Variants in SLC35F6 observed in about 807,000 individuals in gnomAD.
The protein encoded by SLC35F6 is ANT2-binding protein.
In SLC35F6, 26 loss-of-function variants were observed where a neutral mutation model predicts 29.4. The ratio of observed to expected loss-of-function variants is 0.89; its 90% CI spans 0.65 to 1.23. The LOEUF is 1.23. Among genes scored for constraint, SLC35F6 ranks in the 50% most tolerant of loss-of-function variants. The pLI is 0.00. For synonymous variants in SLC35F6, 174 were observed against 206.6 expected, an observed-to-expected ratio of 0.84 and a Z score of 1.35; for missense variants, 428 against 487.8, an observed-to-expected ratio of 0.88 and a Z score of 1.15.
rs1664368900 is a variant in SLC35F6 at position 26,779,482 on chromosome 2, AC to A, written c.*975del. The A allele has an allele frequency of 6.6e-6, 1 of 151,680 alleles. No homozygotes were observed. The highest frequency in any genetic ancestry group is 1.5e-5 in the Non-Finnish European group (1 of 67,974). The allele number at this position is 151,680 out of a possible 1,614,324, so 9.4% of individuals were successfully genotyped here. A position where few individuals can be genotyped will look rare whatever the true frequency, so the allele number is the denominator to read the frequency against. On this transcript the variant is annotated 3_prime_UTR_variant, in exon 6 of 6. Coordinates refer to ENST00000344420, the MANE Select transcript of SLC35F6 (RefSeq NM_017877.4). Reference sequence around the variant, plus strand: ...CAGTAACAGCCCATCCACTGGAAATACCCCTCTGCCCACAGCACCACCCTTC... The same window carrying A: ...CAGTAACAGCCCATCCACTGGAAATACCCTCTGCCCACAGCACCACCCTTC...
intron 1 of SLC35F6, among the ~76,000 whole-genome samples, chr2:26,773,185 A>G (rs1285835175): frequency 1.3e-5 from 2 of 152,112 alleles, no homozygotes; most frequent in Middle Eastern, 3.2e-3. Context: ...TCTTACAGTA[A>G]TGTTTTAAAA....
intron 1 of SLC35F6, among the ~76,000 whole-genome samples, chr2:26,765,512 A>G (rs752452323): frequency 6.6e-6 from 1 of 152,134 alleles, no homozygotes; most frequent in African/African-American, 2.4e-5. Context: ...CTGGAGTGCA[A>G]TGGCACGATC....
intron 1 of SLC35F6, among the ~76,000 whole-genome samples, chr2:26,770,695 G>A (rs1664181746): frequency 6.6e-6 from 1 of 151,966 alleles, no homozygotes; most frequent in East Asian, 1.9e-4. Flanking sequence ...TCCAGCCTGG[G>A]TGACAGAGGG....
chr2:26,780,299 C>A lies in SLC35F6; in HGVS notation c.*1788C>A, dbSNP rs1664385211. 6.6e-6 allele frequency: 1 copy of A among 152,002 alleles called. No individual in the cohort carries two copies. The highest frequency in any genetic ancestry group is 2.4e-5 in the African/African-American group (1 of 41,392). The allele number at this position is 152,002 out of a possible 1,614,324, so 9.4% of individuals were successfully genotyped here. ...TTGTTTGGCAAATGGAGTCTCCTAC[C>A]CTCAGCTCCTGCAAGGACCTGGGGG... On this transcript the variant is annotated 3_prime_UTR_variant, in exon 6 of 6. Coordinates refer to ENST00000344420, the MANE Select transcript of SLC35F6 (RefSeq NM_017877.4).
Position 26,775,621 on chromosome 2 carries a change from G to A in SLC35F6, c.480G>A (p.Leu160=). Residue 160 remains leucine, a synonymous_variant, in exon 4 of 6, where the codon CTG becomes CTA. Coordinates refer to ENST00000344420, the MANE Select transcript of SLC35F6 (RefSeq NM_017877.4). This position sits in a 1 kb window ranked among gnomAD's most constrained non-coding sequence, Gnocchi z 4.6. ...ATIAGLVVVG[L]ADLLSKHDSQ... ...TCGCGGGGCTGGTGGTCGTGGGCCT[G>A]GCTGACCTCCTGAGCAAGCACGACA... is the stretch of plus-strand genomic sequence containing the variant. The A allele has an allele frequency of 6.2e-7, 1 of 1,604,284 alleles. No individual in the cohort carries two copies.
At position 26,774,204 on chromosome 2, in the gene SLC35F6, C is replaced by T. The variant is rs369467381; in HGVS notation, c.78-47C>T. 19 of 1,608,628 alleles carry T rather than the reference C, an allele frequency of 1.2e-5. No homozygotes were observed. In the African/African-American group the frequency reaches 2.5e-4, roughly 21 times the overall value. On this transcript the variant is annotated intron_variant, in intron 1 of 5. Transcript: ENST00000344420. ...GAGGTGTGAGCCTCTTCACTAGCAC[C>T]AGGGTAGGATGCTGACAGGGTCTGA... is the stretch of plus-strand genomic sequence containing the variant.
chr2:26,770,286 G>T lies in SLC35F6; in HGVS notation c.78-3965G>T, dbSNP rs1664172746. ...CCGGGCATGGTGGCCCATGCCTGTAGTCCCAGCTACTCAGGAGGCTGAGGT... is the reference window on the plus strand; with the variant it reads ...CCGGGCATGGTGGCCCATGCCTGTATTCCCAGCTACTCAGGAGGCTGAGGT... On this transcript the variant is annotated intron_variant, in intron 1 of 5. Transcript: ENST00000344420. Among the ~76,000 whole-genome samples, 3 of 151,956 alleles carry T rather than the reference G, an allele frequency of 2.0e-5. 1 individual carries two copies. The highest frequency in any genetic ancestry group is 2.0e-4 in the Admixed American group (3 of 15,264).
chr2:26,776,306 C>T (rs1664299292), intron 4 of SLC35F6, 66 bp from the exon 5 acceptor site: 7 of 1,471,160 alleles, frequency 4.8e-6, no homozygotes, highest in Non-Finnish European at 3.8e-6. Flanking sequence ...GTCGCTGTGG[C>T]CATGCTCTCC....
intron 1 of SLC35F6, among the ~76,000 whole-genome samples, chr2:26,768,443 A>G (rs908763712): frequency 4.6e-5 from 7 of 151,416 alleles, no homozygotes; most frequent in Admixed American, 1.3e-4. Flanking sequence ...GCTCACTGCA[A>G]GCTCCGCCTC....
Position 26,776,422 on chromosome 2 carries a change from C to T in SLC35F6, c.586C>T (p.Leu196=), listed in dbSNP as rs1572634671. 3 of 1,614,172 alleles carry T rather than the reference C, an allele frequency of 1.9e-6. No homozygotes were observed. The African/African-American group carries it at 4.0e-5, about 22-fold the overall frequency. The change falls in exon 5 of 6, where the codon CTA becomes TTA. Residue 196 remains leucine (L), a synonymous_variant. Coordinates refer to ENST00000344420, the MANE Select transcript of SLC35F6 (RefSeq NM_017877.4). Reference sequence around the variant, plus strand: ...GATCATCGTTGCCATCCAGATGGTGCTAGAGGAGAAGTTCGTCTACAAACA... The same window carrying T: ...GATCATCGTTGCCATCCAGATGGTGTTAGAGGAGAAGTTCGTCTACAAACA... ...AQIIVAIQMV[L]EEKFVYKHNV...
In SLC35F6 at chr2:26,779,715, G is replaced by C. The variant is rs1664373495; in HGVS notation, c.*1204G>C. 6.6e-6 allele frequency: 1 copy of C among 151,584 alleles called. No homozygotes were observed. Among genetic ancestry groups the C allele is most frequent in the Admixed American group, 6.6e-5 (1 of 15,218 alleles). The allele number at this position is 151,584 out of a possible 1,614,324, so 9.4% of individuals were successfully genotyped here. A position where few individuals can be genotyped will look rare whatever the true frequency, so the allele number is the denominator to read the frequency against. On this transcript the variant is annotated 3_prime_UTR_variant, in exon 6 of 6. Coordinates refer to ENST00000344420, the MANE Select transcript of SLC35F6 (RefSeq NM_017877.4). Reference sequence around the variant, plus strand: ...CATTCTTTAATAGAGACGGGGTTTTGCCATGTTGGCCAGGATGGTCTCAAT... The same window carrying C: ...CATTCTTTAATAGAGACGGGGTTTTCCCATGTTGGCCAGGATGGTCTCAAT...
chr2:26,766,423 C>T (rs1322541546), intron 1 of SLC35F6, among the ~76,000 whole-genome samples: 1 of 152,170 alleles, frequency 6.6e-6, no homozygotes, highest in African/African-American at 2.4e-5. Context: ...TATGGTGAAA[C>T]TGCATCTCTA....
chr2:26,775,246 C>A lies in SLC35F6; in HGVS notation c.322+31C>A, dbSNP rs780893331. 185 of 1,599,232 alleles carry A rather than the reference C, an allele frequency of 1.2e-4. No individual in the cohort carries two copies. Among genetic ancestry groups the A allele is most frequent in the Admixed American group, 1.9e-4 (11 of 58,450 alleles). Reference sequence around the variant, plus strand: ...TAACCAGGCCAGGCTGAGAAGGGCTCAGGGGAAGCTGTGGCTGAAGGGGCT... The same window carrying A: ...TAACCAGGCCAGGCTGAGAAGGGCTAAGGGGAAGCTGTGGCTGAAGGGGCT... On this transcript the variant is annotated intron_variant, in intron 3 of 5. Coordinates refer to ENST00000344420, the MANE Select transcript of SLC35F6 (RefSeq NM_017877.4). This position sits in a 1 kb window ranked among gnomAD's most constrained non-coding sequence, Gnocchi z 4.6.
At position 26,764,409 on chromosome 2, in the gene SLC35F6, C is replaced by A; in HGVS notation, c.60C>A (p.Ile20=). 1 of 1,551,020 alleles carries A rather than the reference C, an allele frequency of 6.4e-7. No homozygotes were observed. The highest frequency in any genetic ancestry group is 1.2e-5 in the South Asian group (1 of 84,068). Residue 20 remains isoleucine (I), a synonymous_variant, in exon 1 of 6, where the codon ATC becomes ATA. Coordinates refer to ENST00000344420, the MANE Select transcript of SLC35F6 (RefSeq NM_017877.4). Reference sequence around the variant, plus strand: ...GGCTCATGCTTGTTACCGGCTCCATCAACACGCTCTCGGCAAAGTGAGTCT... The same window carrying A: ...GGCTCATGCTTGTTACCGGCTCCATAAACACGCTCTCGGCAAAGTGAGTCT... ...LAGLMLVTGS[I]NTLSAKWADN... is the part of the protein sequence containing the mutation.
At position 26,776,457 on chromosome 2, in the gene SLC35F6, C is replaced by G. The variant is rs372038494; in HGVS notation, c.621C>G (p.His207Gln). The G allele has an allele frequency of 6.2e-7, 1 of 1,614,046 alleles. No homozygotes were observed. The highest frequency in any genetic ancestry group is 1.3e-5 in the African/African-American group (1 of 74,926). Residue 207 changes from histidine to glutamine, a missense_variant, in exon 5 of 6, where the codon CAC (histidine) becomes CAG (glutamine). By Grantham distance (24) the His-to-Gln change is conservative (BLOSUM62 0). Transcript: ENST00000344420. ...AGTTCGTCTACAAACACAATGTGCA[C>G]CCACTGCGGGCAGTTGGCACTGAGG... is the stretch of plus-strand genomic sequence containing the variant. ...EEKFVYKHNV[H>Q]PLRAVGTEGL...
At chr2:26,773,598 A>G (rs969074006) in intron 1 of SLC35F6, among the ~76,000 whole-genome samples, 10 of 151,142 alleles carry the variant, frequency 6.6e-5, no homozygotes, top group African/African-American at 2.4e-4. Flanking sequence ...GTGATATAGA[A>G]TATATATAGA....
At chr2:26,766,329 G>A (rs1302138044) in intron 1 of SLC35F6, among the ~76,000 whole-genome samples, 1 of 152,242 alleles carries the variant, frequency 6.6e-6, no homozygotes, top group African/African-American at 2.4e-5. Flanking sequence ...CCGGCGCGGT[G>A]GCTTACGCCT....
intron 1 of SLC35F6, among the ~76,000 whole-genome samples, chr2:26,772,128 C>T (rs1249521830): frequency 2.0e-5 from 3 of 152,224 alleles, no homozygotes; most frequent in Non-Finnish European, 4.4e-5. Flanking sequence ...TTTGCCATAG[C>T]CCTGTTTTCT....
Position 26,775,691 on chromosome 2 carries a change from A to T in SLC35F6, c.535+15A>T. ...AGTGATCACAGGTGCGGCCAGGGGC[A>T]GGGACACGGGGCTGCCCTATCCTGC... On this transcript the variant is annotated intron_variant, in intron 4 of 5. Coordinates refer to ENST00000344420, the MANE Select transcript of SLC35F6 (RefSeq NM_017877.4). This position sits in a 1 kb window ranked among gnomAD's most constrained non-coding sequence, Gnocchi z 4.6. 1.3e-6 allele frequency: 2 copies of T among 1,551,488 alleles called. No individual in the cohort carries two copies. The highest frequency in any genetic ancestry group is 8.7e-7 in the Non-Finnish European group (1 of 1,152,092).
Sources: gnomAD v4.1 joint callset for allele counts (sites outside exome capture counted in the v4.1 genomes callset) on GRCh38, gnomAD v4.1.1 for gene constraint, Gnocchi (gnomAD v3.1) non-coding constraint, MANE v1.5 for transcripts, NCBI Gene and HGNC (gene_info 2026-07-23, HGNC 2026-07-21) for gene names.